Variants in PLAUR observed in about 807,000 individuals in gnomAD.
The protein encoded by PLAUR is plasminogen activator, urokinase receptor, also known as urokinase plasminogen activator surface receptor.
PLAUR carries 22 observed loss-of-function variants against 33.4 expected under a neutral mutation model. The ratio of observed to expected loss-of-function variants is 0.66; its 90% CI spans 0.47 to 0.94. The LOEUF (loss-of-function observed/expected upper bound fraction) is 0.94. PLAUR is among the 40% of genes least tolerant of loss of function. The pLI, the probability that PLAUR is intolerant of heterozygous loss-of-function variation, is 0.00. For synonymous variants in PLAUR, 148 were observed against 167.3 expected (o/e 0.88, Z 0.89); for missense variants, 408 against 434.7 (o/e 0.94, Z 0.55).
chr19:43,663,696 G>A (rs552950538), intron 3 of PLAUR, among the ~76,000 whole-genome samples: 53 of 151,870 alleles, frequency 3.5e-4, no homozygotes, highest in African/African-American at 1.2e-3. Flanking sequence ...CAGAAGAATC[G>A]CTCGAGCCTA....
At chr19:43,655,882 G>T (rs575485749) in intron 4 of PLAUR, among the ~76,000 whole-genome samples, 1 of 152,116 alleles carries the variant, frequency 6.6e-6, no homozygotes, top group Admixed American at 6.6e-5. Flanking sequence ...CCTCCTTCCT[G>T]GAACTTAGAT....
chr19:43,666,327 C>A (rs955306976), intron 2 of PLAUR, among the ~76,000 whole-genome samples: 2 of 152,014 alleles, frequency 1.3e-5, no homozygotes. Context: ...GAGATGTGTC[C>A]ACATTGGTAT....
In PLAUR at chr19:43,665,406, T is replaced by C; in HGVS notation, c.220A>G (p.Asn74Asp). Residue 74 changes from asparagine (N) to aspartate (D), a missense_variant, in exon 3 of 7, where the codon AAC becomes GAC. Physicochemically the swap from Asn to Asp is conservative, Grantham distance 23 (BLOSUM62 1). Transcript: ENST00000340093. ...EKSCTHSEKT[N>D]RTLSYRTGLK... ...CCAGTCCGATAGCTCAGGGTCCTGT[T>C]GGTCTTCTCTGAGTGGGTACAGCTT... 6.2e-7 allele frequency: 1 copy of C among 1,613,564 alleles called. No homozygotes were observed. The highest frequency in any genetic ancestry group is 8.5e-7 in the Non-Finnish European group (1 of 1,179,906).
rs1427058336 is a variant in PLAUR, at chr19:43,665,305, G to A, written c.310+11C>T. On this transcript the variant is annotated intron_variant, in intron 3 of 6. Transcript: ENST00000340093. ...CTTGGGGTTGGGGATGGCAAGGGCT[G>A]CCCTACTCACCAGAGTTGCCCTGGT... 4 of 1,613,476 alleles carry A rather than the reference G, an allele frequency of 2.5e-6. No individual in the cohort carries two copies. In the East Asian group the frequency reaches 8.9e-5, roughly 36 times the overall value.
At chr19:43,665,981 A>G (rs1967225267) in intron 2 of PLAUR, among the ~76,000 whole-genome samples, 3 of 151,966 alleles carry the variant, frequency 2.0e-5, no homozygotes, top group Admixed American at 2.0e-4. Flanking sequence ...TTGTAGTGAC[A>G]GCACTACAAC....
chr19:43,657,219 C>T (rs1394056279), intron 3 of PLAUR, among the ~76,000 whole-genome samples: 1 of 152,174 alleles, frequency 6.6e-6, no homozygotes, highest in Non-Finnish European at 1.5e-5. Flanking sequence ...GCTGGGATTA[C>T]AGGCATGAGC....
Position 43,670,143 on chromosome 19 carries a change from G to A in PLAUR, c.-23C>T, listed in dbSNP as rs1568568926. The A allele has an allele frequency of 6.2e-7, 1 of 1,607,022 alleles. No individual in the cohort carries two copies. Among genetic ancestry groups the A allele is most frequent in the Non-Finnish European group, 8.5e-7 (1 of 1,177,036 alleles). ...CATGTCGCGAGGGCAGCTCCTGTGC[G>A]CGGGGTCCCTGCACGTCTTCTCTCC... On this transcript the variant is annotated 5_prime_UTR_variant, in exon 1 of 7. Coordinates refer to ENST00000340093, the MANE Select transcript of PLAUR (RefSeq NM_002659.4).
chr19:43,656,257 A>AAAATAAAT lies in PLAUR; in HGVS notation c.472+214_472+221dup, dbSNP rs552872609. 2.2e-5 allele frequency among the ~76,000 whole-genome samples: 3 copies of AAAATAAAT among 137,718 alleles called. 1 individual carries two copies. Among genetic ancestry groups the AAAATAAAT allele is most frequent in the African/African-American group, 8.2e-5 (3 of 36,592 alleles). 90.3% of individuals were successfully genotyped at this position (137,718 alleles called of 152,430 possible). A position where few individuals can be genotyped will look rare whatever the true frequency, so the allele number is the denominator to read the frequency against. On this transcript the variant is annotated intron_variant, in intron 4 of 6. Coordinates refer to ENST00000340093, the MANE Select transcript of PLAUR (RefSeq NM_002659.4). ...GACAGAGAGCAAGACTCTGTCTCAA[A>AAAATAAAT]AAATAAATAAATAAATAAATAAAAA...
chr19:43,650,008 C>CTTTT lies in PLAUR; in HGVS notation c.755-869_755-866dup, dbSNP rs200384971. Among the ~76,000 whole-genome samples the CTTTT allele has an allele frequency of 6.7e-4, 92 of 137,350 alleles. 1 individual carries two copies. Among genetic ancestry groups the CTTTT allele is most frequent in the Non-Finnish European group, 5.9e-4 (39 of 65,978 alleles). The allele number at this position is 137,350 out of a possible 152,430, so 90.1% of individuals were successfully genotyped here. ...AAATAATGCCAGTTTTCTCATTACG[C>CTTTT]TTTTTTTTTGTTTTTTTTTTTGAGA... On this transcript the variant is annotated intron_variant, in intron 6 of 6. Coordinates refer to ENST00000340093, the MANE Select transcript of PLAUR (RefSeq NM_002659.4).
At chr19:43,658,108 G>A (rs1974287077) in intron 3 of PLAUR, among the ~76,000 whole-genome samples, 1 of 152,166 alleles carries the variant, frequency 6.6e-6, no homozygotes, top group Non-Finnish European at 1.5e-5. Flanking sequence ...TTATGGAAAT[G>A]ATGGTGTATG....
intron 6 of PLAUR, among the ~76,000 whole-genome samples, chr19:43,650,319 T>C (rs1442854721): frequency 6.6e-6 from 1 of 151,118 alleles, no homozygotes; most frequent in African/African-American, 2.4e-5. Flanking sequence ...GGTTTTTTTT[T>C]TGTTGTTTCT....
In PLAUR at chr19:43,648,920, T is replaced by C; in HGVS notation, c.978A>G (p.Arg326=). 6.2e-7 allele frequency: 1 copy of C among 1,614,030 alleles called. No individual in the cohort carries two copies. The highest frequency in any genetic ancestry group is 1.7e-4 in the Middle Eastern group (1 of 6,018). Residue 326 remains arginine (R), a synonymous_variant, in exon 7 of 7, where the codon AGA becomes AGG. Coordinates refer to ENST00000340093, the MANE Select transcript of PLAUR (RefSeq NM_002659.4). ...TCCAGAGGAGAGTGCCTCCCCACAG[T>C]CTGGCAGTCATTAGCAGGGTGATGG... ...SLTITLLMTA[R]LWGGTLLWT
At chr19:43,665,227 G>T in intron 3 of PLAUR, 89 bp downstream of exon 3, 3 of 1,370,016 alleles carry the variant, frequency 2.2e-6, no homozygotes, top group Non-Finnish European at 3.1e-6. Flanking sequence ...GGGTTCAGCT[G>T]ATGTAAAGTT....
downstream of PLAUR, chr19:43,646,131 G>A (rs1600107256): frequency 2.1e-5 from 4 of 194,996 alleles, no homozygotes; most frequent in Admixed American, 2.3e-4. Context: ...TGGAGATGAG[G>A]TCTCACTGTG....
At chr19:43,646,542 G>T, downstream of PLAUR, 1 of 717,594 alleles carries the variant, frequency 1.4e-6, no homozygotes, top group South Asian at 1.5e-5. Context: ...TCCCCAGAGT[G>T]AGCGTTCTAA....
Position 43,667,635 on chromosome 19 carries a change from C to G in PLAUR, c.112G>C (p.Glu38Gln). The G allele has an allele frequency of 6.2e-7, 1 of 1,614,078 alleles. No individual in the cohort carries two copies. The change falls in exon 2 of 7, where the codon GAG (glutamate) becomes CAG (glutamine). Residue 38 changes from glutamate (E) to glutamine (Q), a missense_variant. By Grantham distance (29) the Glu-to-Gln change is conservative. Coordinates refer to ENST00000340093, the MANE Select transcript of PLAUR (RefSeq NM_002659.4). ...CAGAGGTCCTGTCCCAGGGCGCACT[C>G]TTCCACACGGCAATCCCCGTTGGTC... The part of the protein sequence containing the change: ...CKTNGDCRVE[E>Q]CALGQDLCRT...
chr19:43,668,406 G>T, intron 1 of PLAUR: 3 of 634,228 alleles, frequency 4.7e-6, no homozygotes, highest in Non-Finnish European at 3.9e-6. Context: ...CCGCCCCCTA[G>T]CTCCTCCCCG....
In PLAUR at chr19:43,648,700, C is replaced by G; in HGVS notation, c.*190G>C. 1.2e-6 allele frequency: 1 copy of G among 801,456 alleles called. No homozygotes were observed. The highest frequency in any genetic ancestry group is 2.8e-5 in the East Asian group (1 of 36,248). 49.6% of individuals were successfully genotyped at this position (801,456 alleles called of 1,614,324 possible). A position where few individuals can be genotyped will look rare whatever the true frequency, so the allele number is the denominator to read the frequency against. On this transcript the variant is annotated 3_prime_UTR_variant, in exon 7 of 7. Transcript: ENST00000340093. ...AAGAGCTCTCCCATTGGCCCACGGC[C>G]TTCCTCCAGCTTTTCTCTTCTGCTT...
intron 1 of PLAUR, 139 bp from the exon 2 acceptor site, chr19:43,667,830 C>G: frequency 1.4e-6 from 2 of 1,463,784 alleles, no homozygotes; most frequent in Non-Finnish European, 9.0e-7. Context: ...CTGCTGGGTT[C>G]CGGCCGGCGG....
Sources: allele counts gnomAD v4.1 joint callset (sites outside exome capture counted in the v4.1 genomes callset), GRCh38; gene constraint gnomAD v4.1.1; transcripts MANE v1.5; gene names NCBI Gene and HGNC (gene_info 2026-07-23, HGNC 2026-07-21).